The following SLCO4A1 variants were observed in gnomAD, a reference collection of about 807,000 sequenced individuals.
SLCO4A1 encodes solute carrier organic anion transporter family member 4A1.
A neutral mutation model predicts 64.6 loss-of-function variants in SLCO4A1; 51 were observed. That is an observed-to-expected ratio of 0.79 (90% CI 0.63 to 1.00). The LOEUF (loss-of-function observed/expected upper bound fraction) is 1.00, where lower values mean the gene tolerates loss of function less well. Among genes scored for constraint, SLCO4A1 ranks in the 50% least tolerant of loss-of-function variants. The probability of loss-of-function intolerance (pLI) is 0.00; values close to 1 mark genes in which losing one functional copy is unlikely to be tolerated. For synonymous variants in SLCO4A1, 471 were observed against 444.9 expected (o/e 1.06, Z -0.74); for missense variants, 919 against 980.5 (o/e 0.94, Z 0.84).
chr20:62,676,433 G>T (rs552794461), downstream of SLCO4A1, among the ~76,000 whole-genome samples: 34 of 152,190 alleles, frequency 2.2e-4, no homozygotes, highest in Non-Finnish European at 4.1e-4. Context: ...ATAATAATAA[G>T]AAGAATTCCT....
intron 2 of SLCO4A1, among the ~76,000 whole-genome samples, chr20:62,658,013 G>T (rs1474868162): frequency 1.3e-5 from 2 of 152,154 alleles, no homozygotes; most frequent in Non-Finnish European, 2.9e-5. Context: ...CCCATGGCCC[G>T]TCCGACATGG....
chr20:62,657,287 G>A (rs1001852730), intron 2 of SLCO4A1, 37 bp downstream of exon 2: 2 of 1,481,120 alleles, frequency 1.4e-6, no homozygotes, highest in African/African-American at 2.8e-5. Flanking sequence ...TGGCAGGGGT[G>A]GCTGAGGGCA....
intron 1 of SLCO4A1, chr20:62,648,952 G>T (rs1443084336): frequency 6.6e-6 from 1 of 152,284 alleles, no homozygotes; most frequent in Non-Finnish European, 1.5e-5. Context: ...TAGGAAGTCG[G>T]TACCAAAGTA....
downstream of SLCO4A1, among the ~76,000 whole-genome samples, chr20:62,686,262 C>A (rs1036015498): frequency 7.2e-5 from 11 of 152,196 alleles, no homozygotes; most frequent in African/African-American, 2.4e-4. Context: ...GACATTATCT[C>A]CAAGCACCGG....
downstream of SLCO4A1, among the ~76,000 whole-genome samples, chr20:62,686,013 C>G (rs1988047310): frequency 1.3e-5 from 2 of 152,156 alleles, no homozygotes; most frequent in South Asian, 4.2e-4. Flanking sequence ...ATTAGCAAGA[C>G]AGTGTGGGGA....
Position 62,671,207 on chromosome 20 carries a change from G to A in SLCO4A1, c.2026-543G>A, listed in dbSNP as rs556273746. On this transcript the variant is annotated intron_variant, in intron 11 of 11. Coordinates refer to ENST00000217159, the MANE Select transcript of SLCO4A1 (RefSeq NM_016354.4). Reference sequence around the variant, plus strand: ...GGCTCTGTGTGAGGTTCCTGTGGCCGCCACGACAAAGGACCGCAAGCGGGG... The same window carrying A: ...GGCTCTGTGTGAGGTTCCTGTGGCCACCACGACAAAGGACCGCAAGCGGGG... 4.6e-5 allele frequency among the ~76,000 whole-genome samples: 7 copies of A among 152,346 alleles called. No homozygotes were observed. The South Asian group carries it at 1.2e-3, about 27-fold the overall frequency.
At position 62,681,381 on chromosome 20, in the gene SLCO4A1, G is replaced by A. The variant is rs560382698; in HGVS notation, n.212-4060G>A. On this transcript the variant is annotated intron_variant and non_coding_transcript_variant, in intron 2 of 2. Transcript: ENST00000466818. ...GTTCTGCTTATACTCACTCGTGTGC[G>A]TGTGTATTAAGCCGTGTCACTTGTG... 8.5e-5 allele frequency among the ~76,000 whole-genome samples: 13 copies of A among 152,186 alleles called. No individual in the cohort carries two copies. The South Asian group carries it at 1.2e-3, about 15-fold the overall frequency.
Position 62,685,440 on chromosome 20 carries a change from G to T in SLCO4A1, n.212-1G>T. 2 of 985,200 alleles carry T rather than the reference G, an allele frequency of 2.0e-6. No individual in the cohort carries two copies. The highest frequency in any genetic ancestry group is 2.4e-6 in the Non-Finnish European group (2 of 829,678). 61.0% of individuals were successfully genotyped at this position (985,200 alleles called of 1,614,324 possible). ...GCTTTGTTTGTTGTTTTTTTCTTAA[G>T]GAAGAAGAGAATGAATTTAGAAGGC... On this transcript the variant is annotated splice_acceptor_variant and non_coding_transcript_variant, in intron 2 of 2. Transcript: ENST00000466818. The surrounding 1 kb of genome is among the most constrained non-coding windows in gnomAD (Gnocchi z 4.6).
intron 5 of SLCO4A1, chr20:62,663,625 C>T (rs549948809): frequency 6.6e-6 from 1 of 152,302 alleles, no homozygotes; most frequent in South Asian, 2.1e-4. Context: ...GTTATGAGTT[C>T]CAGGGACAGG....
chr20:62,671,288 T>C (rs1053613014), intron 11 of SLCO4A1, among the ~76,000 whole-genome samples: 1 of 152,004 alleles, frequency 6.6e-6, no homozygotes, highest in African/African-American at 2.4e-5. Context: ...GCGGGCTCCT[T>C]CCGCCGCTCT....
At chr20:62,674,398 A>G (rs1032906064), downstream of SLCO4A1, among the ~76,000 whole-genome samples, 2 of 152,078 alleles carry the variant, frequency 1.3e-5, no homozygotes, top group African/African-American at 4.8e-5. Context: ...TCCAAATGGA[A>G]CCCGGGGACC....
At chr20:62,666,118 G>GCCCCGCC (rs1325102807) in intron 6 of SLCO4A1, 1 of 52,850 alleles carries the variant, frequency 1.9e-5, no homozygotes, top group Non-Finnish European at 3.5e-5. Context: ...CCGCCCCCCC[G>GCCCCGCC]CTCCCCCTTC....
In SLCO4A1 at chr20:62,661,050, CTG is replaced by C. The variant is rs752123252; in HGVS notation, c.1010-11_1010-10del. On this transcript the variant is annotated splice_polypyrimidine_tract_variant and intron_variant, in intron 4 of 11. Coordinates refer to ENST00000217159, the MANE Select transcript of SLCO4A1 (RefSeq NM_016354.4). This position sits in a 1 kb window ranked among gnomAD's most constrained non-coding sequence, Gnocchi z 5.2. ...CCCCAGCCCCCAGCCCCAGCTCACT[CTG>C]TGCCCTTCCAGGCTCCCAGCGCTAC... 49 of 1,532,206 alleles carry C rather than the reference CTG, an allele frequency of 3.2e-5. No homozygotes were observed. In the African/African-American group the frequency reaches 5.1e-4, roughly 16 times the overall value. The allele number at this position is 1,532,206 out of a possible 1,614,324, so 94.9% of individuals were successfully genotyped here.
intron 1 of SLCO4A1, among the ~76,000 whole-genome samples, chr20:62,653,869 A>C (rs1341796989): frequency 1.4e-5 from 2 of 138,502 alleles, no homozygotes; most frequent in African/African-American, 2.6e-5. Context: ...GGCAGGGAAC[A>C]TCACACCCCG....
rs1349184141 is a variant in SLCO4A1 at position 62,685,423 on chromosome 20, T to C, written n.212-18T>C. The C allele has an allele frequency of 2.0e-6, 2 of 984,750 alleles. No individual in the cohort carries two copies. The highest frequency in any genetic ancestry group is 3.5e-5 in the African/African-American group (2 of 57,228). 61.0% of individuals were successfully genotyped at this position (984,750 alleles called of 1,614,324 possible). A position where few individuals can be genotyped will look rare whatever the true frequency, so the allele number is the denominator to read the frequency against. ...AAGCGGGCTGTTTTCTTGCTTTGTT[T>C]GTTGTTTTTTTCTTAAGGAAGAAGA... is the stretch of plus-strand genomic sequence containing the variant. On this transcript the variant is annotated intron_variant and non_coding_transcript_variant, in intron 2 of 2. Coordinates refer to the SLCO4A1 transcript ENST00000466818. The surrounding 1 kb of genome is among the most constrained non-coding windows in gnomAD (Gnocchi z 4.6).
chr20:62,689,161 C>T (rs1436711654), downstream of SLCO4A1, among the ~76,000 whole-genome samples: 1 of 151,958 alleles, frequency 6.6e-6, no homozygotes, highest in Non-Finnish European at 1.5e-5. Flanking sequence ...CTGTGCCCCG[C>T]GCCTCGTAGG....
rs539341540 is a variant in SLCO4A1 at position 62,644,101 on chromosome 20, G to A, written c.-97+1548G>A. ...ACAGCGTCCCAAGAGCTGGGCCTGCGGTTACTGGGCCAGAGTGTCTGTTCT... is the reference window on the plus strand; with the variant it reads ...ACAGCGTCCCAAGAGCTGGGCCTGCAGTTACTGGGCCAGAGTGTCTGTTCT... On this transcript the variant is annotated intron_variant, in intron 1 of 11. Coordinates refer to ENST00000217159, the MANE Select transcript of SLCO4A1 (RefSeq NM_016354.4). The surrounding 1 kb of genome is among the most constrained non-coding windows in gnomAD (Gnocchi z 5.4). 4.5e-4 allele frequency among the ~76,000 whole-genome samples: 69 copies of A among 152,342 alleles called. No homozygotes were observed. The highest frequency in any genetic ancestry group is 1.4e-3 in the African/African-American group (60 of 41,580).
At chr20:62,690,716 ACGCGCTTTC>A (rs1988199767), downstream of SLCO4A1, among the ~76,000 whole-genome samples, 3 of 152,132 alleles carry the variant, frequency 2.0e-5, no homozygotes, top group Non-Finnish European at 4.4e-5. Flanking sequence ...AATTCAATAA[ACGCGCTTTC>A]ATTTGTTTTG....
At chr20:62,683,472 C>T (rs887643745) in intron 2 of SLCO4A1, among the ~76,000 whole-genome samples, 4 of 152,104 alleles carry the variant, frequency 2.6e-5, no homozygotes, top group South Asian at 2.1e-4. Context: ...TTGAGGTTGA[C>T]GGCGACAGTG....
Sources: allele counts gnomAD v4.1 joint callset (sites outside exome capture counted in the v4.1 genomes callset), GRCh38; gene constraint gnomAD v4.1.1; non-coding constraint Gnocchi (gnomAD v3.1); transcripts MANE v1.5; gene names NCBI Gene and HGNC (gene_info 2026-07-23, HGNC 2026-07-21).